TMEM217B: variants seen among roughly 807,000 people sequenced by gnomAD.
The protein encoded by TMEM217B is putative transmembrane protein 217B.
chr6:37,226,816 T>C, the TMEM217B span, among the ~76,000 whole-genome samples: 12 of 152,050 alleles, frequency 7.9e-5, no homozygotes, highest in Non-Finnish European at 1.3e-4. Context: ...TCCATCTGCC[T>C]TGGCCTCCCA....
the TMEM217B span, among the ~76,000 whole-genome samples, chr6:37,233,606 C>T: frequency 6.6e-6 from 1 of 152,216 alleles, no homozygotes; most frequent in Non-Finnish European, 1.5e-5. Context: ...GCACCTCTTA[C>T]TACCATCACA....
the TMEM217B span, among the ~76,000 whole-genome samples, chr6:37,241,519 AGGTGCT>A: frequency 6.6e-6 from 1 of 152,168 alleles, no homozygotes; most frequent in African/African-American, 2.4e-5. Context: ...GGCTAGAAGC[AGGTGCT>A]GGCAGGATCC....
chr6:37,228,764 G>A, the TMEM217B span, among the ~76,000 whole-genome samples: 5 of 151,922 alleles, frequency 3.3e-5, no homozygotes, highest in African/African-American at 9.7e-5. Flanking sequence ...TTGGGAGGCC[G>A]AGGCAGGCGG....
the TMEM217B span, among the ~76,000 whole-genome samples, chr6:37,254,393 T>C: frequency 6.6e-6 from 1 of 152,200 alleles, no homozygotes; most frequent in Non-Finnish European, 1.5e-5. Flanking sequence ...ATCAGCCCTT[T>C]GATGACAGCT....
At chr6:37,257,923 C>T in the TMEM217B span, 1 of 1,613,882 alleles carries the variant, frequency 6.2e-7, no homozygotes, top group Non-Finnish European at 8.5e-7. Flanking sequence ...GAGCAATGGC[C>T]GCTGAGAACA....
At chr6:37,218,585 T>C in the TMEM217B span, 2 of 1,614,188 alleles carry the variant, frequency 1.2e-6, no homozygotes, top group Non-Finnish European at 1.7e-6. Flanking sequence ...TATGTGGGCA[T>C]AGTTGATGAC....
chr6:37,229,335 G>GTTTGT, the TMEM217B span, among the ~76,000 whole-genome samples: 1 of 74,368 alleles, frequency 1.3e-5, no homozygotes, highest in South Asian at 6.4e-4. Flanking sequence ...GCAACTTTCA[G>GTTTGT]TTTTTTTTTT....
chr6:37,249,415 G>A, the TMEM217B span, among the ~76,000 whole-genome samples: 1 of 152,172 alleles, frequency 6.6e-6, no homozygotes, highest in Admixed American at 6.5e-5. Context: ...CACTTTCCAG[G>A]TTCAAGCAAT....
the TMEM217B span, among the ~76,000 whole-genome samples, chr6:37,222,593 G>T: frequency 6.6e-6 from 1 of 152,224 alleles, no homozygotes; most frequent in Non-Finnish European, 1.5e-5. Context: ...GTCTGCAGCC[G>T]TGGGTCCTGG....
At chr6:37,218,632 C>T in the TMEM217B span, 3 of 1,614,120 alleles carry the variant, frequency 1.9e-6, no homozygotes, top group African/African-American at 1.3e-5. Context: ...CTGTACGAGA[C>T]ACCAAGCCAA....
At chr6:37,225,365 T>C in the TMEM217B span, among the ~76,000 whole-genome samples, 1 of 152,076 alleles carries the variant, frequency 6.6e-6, no homozygotes, top group African/African-American at 2.4e-5. Flanking sequence ...CAAGTGTTCA[T>C]CATAGTTTAA....
the TMEM217B span, among the ~76,000 whole-genome samples, chr6:37,235,587 C>T: frequency 2.2e-5 from 3 of 136,540 alleles, no homozygotes; most frequent in Non-Finnish European, 3.1e-5. Flanking sequence ...AGGATGGTCT[C>T]GATCTCCTGA....
the TMEM217B span, among the ~76,000 whole-genome samples, chr6:37,228,813 C>T: frequency 1.3e-5 from 2 of 151,090 alleles, no homozygotes; most frequent in Non-Finnish European, 2.9e-5. Flanking sequence ...CTGACTAACA[C>T]GGTGAAACCC....
the TMEM217B span, among the ~76,000 whole-genome samples, chr6:37,230,635 T>G: frequency 6.6e-6 from 1 of 151,946 alleles, no homozygotes; most frequent in African/African-American, 2.4e-5. Context: ...GAAAAAAGCC[T>G]CAAAAAAACC....
At chr6:37,234,982 C>T in the TMEM217B span, among the ~76,000 whole-genome samples, 2 of 151,934 alleles carry the variant, frequency 1.3e-5, no homozygotes, top group Non-Finnish European at 2.9e-5. Flanking sequence ...CTAATAAACC[C>T]AGATCATTAA....
chr6:37,257,365 G>T, the TMEM217B span, among the ~76,000 whole-genome samples: 1 of 152,298 alleles, frequency 6.6e-6, no homozygotes, highest in South Asian at 2.1e-4. Context: ...ATGAGGAAAG[G>T]AGGGTAATAA....
the TMEM217B span, chr6:37,257,588 G>A: frequency 1.3e-5 from 5 of 388,088 alleles, no homozygotes; most frequent in African/African-American, 1.1e-4. Flanking sequence ...CCTCTCGCGG[G>A]TAGGAACTTT....
At chr6:37,250,402 C>T in the TMEM217B span, among the ~76,000 whole-genome samples, 2 of 152,104 alleles carry the variant, frequency 1.3e-5, no homozygotes, top group Non-Finnish European at 2.9e-5. Flanking sequence ...TATACATTCT[C>T]TTGTGTGTAT....
chr6:37,231,118 C>T, the TMEM217B span, among the ~76,000 whole-genome samples: 6 of 151,492 alleles, frequency 4.0e-5, no homozygotes, highest in Non-Finnish European at 8.8e-5. Flanking sequence ...GGAGTGCAGG[C>T]GCATGATCTC....
Sources: allele counts gnomAD v4.1 joint callset (sites outside exome capture counted in the v4.1 genomes callset), GRCh38; gene constraint gnomAD v4.1.1; transcripts MANE v1.5; gene names NCBI Gene and HGNC (gene_info 2026-07-23, HGNC 2026-07-21).